Variants in IRAG2 observed in about 807,000 individuals in gnomAD.
IRAG2 encodes inositol 1,4,5-triphosphate receptor associated 2.
Under a neutral mutation model 69.9 loss-of-function variants are expected in IRAG2, and 45 were observed. The observed-to-expected ratio is 0.64, with a 90% CI of 0.51 to 0.83. IRAG2 has a LOEUF of 0.83. Ranked by LOEUF, IRAG2 falls within the 40% of genes least tolerant of loss-of-function variation. IRAG2 has a pLI of 0.00. For synonymous variants in IRAG2, 193 were observed against 202.4 expected, an observed-to-expected ratio of 0.95 and a Z score of 0.40; for missense variants, 520 against 587.0, an observed-to-expected ratio of 0.89 and a Z score of 1.18.
Position 25,015,312 on chromosome 12 carries a change from A to C in IRAG2, c.977-38A>C, listed in dbSNP as rs1240596161. 3 of 1,231,418 alleles carry C rather than the reference A, an allele frequency of 2.4e-6. No individual in the cohort carries two copies. In the African/African-American group the frequency reaches 4.7e-5, roughly 19 times the overall value. 76.3% of individuals were successfully genotyped at this position (1,231,418 alleles called of 1,614,324 possible). On this transcript the variant is annotated intron_variant, in intron 4 of 38. Coordinates refer to the IRAG2 transcript ENST00000636465. ...TTCTGTTTTCTTACGGTTTGTAGAA[A>C]ATGATTTTTTTTCATAAAACTCTTG...
intron 6 of IRAG2, among the ~76,000 whole-genome samples, chr12:25,020,540 C>T (rs965088913): frequency 6.6e-6 from 1 of 152,218 alleles, no homozygotes; most frequent in Non-Finnish European, 1.5e-5. Context: ...AAGGGATCCT[C>T]TAAATCTTTA....
At chr12:25,044,617 A>G (rs1169362576) in intron 16 of IRAG2, among the ~76,000 whole-genome samples, 3 of 152,164 alleles carry the variant, frequency 2.0e-5, no homozygotes, top group African/African-American at 4.8e-5. Context: ...AAAAGAGAGT[A>G]TGGGTAACTA....
rs1565578666 is a variant in IRAG2 at position 25,090,208 on chromosome 12, G to A, written c.606+11G>A. ...TTAAAACTATTAGAGGTGAGAATCA[G>A]AACATTTGGGATATAAACATTTGGT... On this transcript the variant is annotated intron_variant, in intron 14 of 21. Coordinates refer to ENST00000556887, the MANE Select transcript of IRAG2 (RefSeq NM_001366544.2). The A allele has an allele frequency of 6.2e-7, 1 of 1,611,856 alleles. No homozygotes were observed. Among genetic ancestry groups the A allele is most frequent in the Non-Finnish European group, 8.5e-7 (1 of 1,178,644 alleles).
rs779229089 is a variant in IRAG2, at chr12:25,108,105, T to C, written c.*45T>C. On this transcript the variant is annotated 3_prime_UTR_variant, in exon 22 of 22. Transcript: ENST00000556887. ...ATGGATCTTGATTTTTAAGTTTCAGTATCTGAACTTCGTAAATTAGTAACT... is the reference window on the plus strand; with the variant it reads ...ATGGATCTTGATTTTTAAGTTTCAGCATCTGAACTTCGTAAATTAGTAACT... 3.1e-6 allele frequency: 5 copies of C among 1,588,446 alleles called. No homozygotes were observed. The highest frequency in any genetic ancestry group is 4.3e-6 in the Non-Finnish European group (5 of 1,165,528).
exon 4 of IRAG2, chr12:25,015,200 A>G (rs1944516789): frequency 8.8e-7 from 1 of 1,131,664 alleles, no homozygotes; most frequent in African/African-American, 1.8e-5. Flanking sequence ...TGAATCATAG[A>G]TTAAGCAGCA....
At chr12:25,030,173 C>A (rs540110215) in intron 9 of IRAG2, 136 of 624,982 alleles carry the variant, frequency 2.2e-4, no homozygotes, top group Non-Finnish European at 2.9e-4. Context: ...AAAGTACATG[C>A]ATGTTAAAGG....
intron 16 of IRAG2, among the ~76,000 whole-genome samples, chr12:25,041,222 G>A (rs1421625396): frequency 1.3e-5 from 2 of 152,140 alleles, no homozygotes; most frequent in African/African-American, 4.8e-5. Flanking sequence ...TAGGATGTGG[G>A]GCCAGAAGGA....
intron 8 of IRAG2, among the ~76,000 whole-genome samples, chr12:25,024,420 A>G (rs1591928791): frequency 1.3e-5 from 2 of 152,360 alleles, no homozygotes; most frequent in East Asian, 3.9e-4. Context: ...AATGTAGCTT[A>G]TAAATGTTAG....
chr12:25,093,433 G>A (rs1420111601), intron 14 of IRAG2: 1 of 153,056 alleles, frequency 6.5e-6, no homozygotes, highest in Non-Finnish European at 1.5e-5. Context: ...GCCTCGTGTT[G>A]TTGGGTCTTT....
At position 25,079,270 on chromosome 12, in the gene IRAG2, T is replaced by G. The variant is rs773515001; in HGVS notation, c.51T>G (p.Pro17=). 1 of 1,614,130 alleles carries G rather than the reference T, an allele frequency of 6.2e-7. No individual in the cohort carries two copies. The highest frequency in any genetic ancestry group is 1.7e-5 in the Admixed American group (1 of 60,012). ...AGAATGGTGTTGAACGCGTGTGTCC[T>G]GAGAGCCTGCTGCAGTCCAGGTTTG... ...MEENGVERVC[P]ESLLQSREYS... The change falls in exon 7 of 22, where the codon CCT becomes CCG. Residue 17 remains proline, a synonymous_variant. Coordinates refer to ENST00000556887, the MANE Select transcript of IRAG2 (RefSeq NM_001366544.2).
At chr12:25,030,186 C>A in intron 9 of IRAG2, 1 of 809,796 alleles carries the variant, frequency 1.2e-6, no homozygotes, top group South Asian at 6.4e-5. Flanking sequence ...GTTAAAGGTG[C>A]TTCAGAAACA....
chr12:25,011,366 C>G, exon 3 of IRAG2: 1 of 1,231,620 alleles, frequency 8.1e-7, no homozygotes, highest in Non-Finnish European at 1.0e-6. Context: ...CTTCTTTTTC[C>G]AAAGGCTCAG....
exon 15 of IRAG2, chr12:25,036,658 T>C: frequency 2.5e-6 from 1 of 398,934 alleles, no homozygotes; most frequent in Non-Finnish European, 4.4e-6. Flanking sequence ...GAAATTACTG[T>C]GAAAGAAAAG....
At chr12:25,101,403 T>G in intron 16 of IRAG2, 78 bp downstream of exon 16, 2 of 980,262 alleles carry the variant, frequency 2.0e-6, no homozygotes, top group Non-Finnish European at 2.9e-6. Flanking sequence ...TATTATTACT[T>G]CAGTATAATA....
chr12:25,087,143 ACT>A (rs1947666498), intron 10 of IRAG2, among the ~76,000 whole-genome samples: 1 of 113,472 alleles, frequency 8.8e-6, no homozygotes, highest in African/African-American at 3.4e-5. Context: ...TCATGGTGCC[ACT>A]CTCCTTCCTT....
chr12:25,017,121 C>A (rs1944535932), intron 5 of IRAG2: 1 of 1,231,202 alleles, frequency 8.1e-7, no homozygotes, highest in South Asian at 4.1e-5. Context: ...CTCATCTATT[C>A]TTTTACTTGC....
In IRAG2 at chr12:25,079,399, G is replaced by C; in HGVS notation, c.73G>C (p.Glu25Gln). ...ACATGTTTGCTATCTTTTTGGCAGG[G>C]AATATTCCTCACTACCATTACCCAG... ...VCPESLLQSR[E>Q]YSSLPLPRHT... The change falls in exon 8 of 22, where the codon GAA becomes CAA. Residue 25 changes from glutamate (E) to glutamine (Q), a missense_variant and splice_region_variant. Coordinates refer to ENST00000556887, the MANE Select transcript of IRAG2 (RefSeq NM_001366544.2). 1.9e-6 allele frequency: 3 copies of C among 1,613,494 alleles called. No homozygotes were observed. Among genetic ancestry groups the C allele is most frequent in the Non-Finnish European group, 2.5e-6 (3 of 1,179,536 alleles).
intron 14 of IRAG2, 53 bp from the exon 15 acceptor site, chr12:25,096,857 C>G (rs1255531575): frequency 6.7e-7 from 1 of 1,482,374 alleles, no homozygotes; most frequent in Non-Finnish European, 9.2e-7. Flanking sequence ...GTGTTAGAAT[C>G]ACTCGCTGAA....
chr12:25,004,709 C>T (rs943350173), exon 1 of IRAG2: 40 of 1,231,954 alleles, frequency 3.2e-5, no homozygotes, highest in Middle Eastern at 3.1e-4. Context: ...GTCTCAAAGC[C>T]GAAGTCACAG....
Sources: gnomAD v4.1 joint callset for allele counts (sites outside exome capture counted in the v4.1 genomes callset) on GRCh38, gnomAD v4.1.1 for gene constraint, MANE v1.5 for transcripts, NCBI Gene and HGNC (gene_info 2026-07-23, HGNC 2026-07-21) for gene names.